The following NDST3 variants were observed in gnomAD, a reference collection of about 807,000 sequenced individuals.
NDST3 encodes the protein N-deacetylase and N-sulfotransferase 3.
A neutral mutation model predicts 96.1 loss-of-function variants in NDST3; 58 were observed. The observed-to-expected ratio is 0.60, with a 90% CI of 0.49 to 0.75. NDST3 has a LOEUF of 0.75. Among genes scored for constraint, NDST3 ranks in the 30% least tolerant of loss-of-function variants. The pLI is 0.00. For synonymous variants in NDST3, 333 were observed against 359.7 expected (o/e 0.93, Z 0.84); for missense variants, 788 against 1,034.2 (o/e 0.76, Z 3.27).
intron 6 of NDST3, among the ~76,000 whole-genome samples, chr4:118,169,637 T>C (rs1193221238): frequency 6.6e-6 from 1 of 151,862 alleles, no homozygotes; most frequent in Non-Finnish European, 1.5e-5. Context: ...TTACTAAAAA[T>C]AAAAGAATTA....
At chr4:118,225,569 G>A (rs553491147) in intron 7 of NDST3, among the ~76,000 whole-genome samples, 1 of 152,140 alleles carries the variant, frequency 6.6e-6, no homozygotes, top group Non-Finnish European at 1.5e-5. Flanking sequence ...AGGCCATCTG[G>A]TTCCAAAAGC....
intron 6 of NDST3, among the ~76,000 whole-genome samples, chr4:118,162,819 C>A (rs531525755): frequency 3.9e-4 from 58 of 149,238 alleles, no homozygotes; most frequent in Middle Eastern, 3.6e-3. Flanking sequence ...AGGCAACCTA[C>A]AAAATGGGAG....
intron 2 of NDST3, among the ~76,000 whole-genome samples, chr4:118,098,795 A>T (rs1729547625): frequency 6.6e-6 from 1 of 152,084 alleles, no homozygotes; most frequent in South Asian, 2.1e-4. Flanking sequence ...TATATGAAGG[A>T]TATAAAGCCC....
intron 6 of NDST3, among the ~76,000 whole-genome samples, chr4:118,187,324 C>A (rs1474089108): frequency 6.6e-6 from 1 of 152,168 alleles, no homozygotes; most frequent in Non-Finnish European, 1.5e-5. Flanking sequence ...TGCTACAGAG[C>A]CTATCATGAG....
intron 6 of NDST3, among the ~76,000 whole-genome samples, chr4:118,152,752 T>C (rs185911941): frequency 9.2e-4 from 140 of 152,356 alleles, no homozygotes; most frequent in Admixed American, 2.2e-3. Flanking sequence ...AAGTGCTGCT[T>C]GTTTACGGTT....
rs1457823064 is a variant in NDST3 at position 118,249,327 on chromosome 4, T to C, written c.2400-4172T>C. ...ACTTAAAATGAGTCAGAATTCAATTTTGGAAAATTGCTGATAGCAAAATGT... is the reference window on the plus strand; with the variant it reads ...ACTTAAAATGAGTCAGAATTCAATTCTGGAAAATTGCTGATAGCAAAATGT... On this transcript the variant is annotated intron_variant, in intron 12 of 13. Coordinates refer to ENST00000296499, the MANE Select transcript of NDST3 (RefSeq NM_004784.3). Among the ~76,000 whole-genome samples the C allele has an allele frequency of 2.0e-5, 3 of 152,190 alleles. No homozygotes were observed. In the East Asian group the frequency reaches 5.8e-4, roughly 29 times the overall value.
chr4:118,217,637 G>C (rs1026299513), intron 6 of NDST3, among the ~76,000 whole-genome samples: 1 of 151,952 alleles, frequency 6.6e-6, no homozygotes, highest in Admixed American at 6.6e-5. Context: ...GGGGATCTAA[G>C]TCAAGGAGAA....
intron 8 of NDST3, 105 bp from the exon 9 acceptor site, chr4:118,232,907 A>G: frequency 8.8e-7 from 1 of 1,133,928 alleles, no homozygotes; most frequent in Non-Finnish European, 1.2e-6. Context: ...TAGTTGTAAT[A>G]AATCTGTTTG....
intron 6 of NDST3, among the ~76,000 whole-genome samples, chr4:118,164,734 A>C (rs141906760): frequency 1.0e-3 from 156 of 152,292 alleles, no homozygotes; most frequent in African/African-American, 3.7e-3. Flanking sequence ...TCTGATACTC[A>C]AGTTAAAAGG....
At position 118,224,659 on chromosome 4, in the gene NDST3, G is replaced by C; in HGVS notation, c.1708G>C (p.Asp570His). 1 of 1,598,714 alleles carries C rather than the reference G, an allele frequency of 6.3e-7. No homozygotes were observed. Among genetic ancestry groups the C allele is most frequent in the South Asian group, 1.2e-5 (1 of 86,742 alleles). Residue 570 changes from aspartate to histidine, a missense_variant, in exon 7 of 14, where the codon GAC (aspartate) becomes CAC (histidine). Around this residue, in one of 3 missense-constraint regions of NDST3, gnomAD observed 490 missense variants for 708.8 expected, o/e 0.69. Transcript: ENST00000296499. ...TTTTGAGCTGTTTCCTGATCAGAAA[G>C]ACCCTCTCTGGCAGGTAAAATTAAT... is the stretch of plus-strand genomic sequence containing the variant. Reference protein sequence around the residue: ...KYFELFPDQKDPLWQNPCDDK... With the variant: ...KYFELFPDQKHPLWQNPCDDK...
chr4:118,175,564 A>G (rs1230638835), intron 6 of NDST3, among the ~76,000 whole-genome samples: 1 of 150,500 alleles, frequency 6.6e-6, no homozygotes, highest in Non-Finnish European at 1.5e-5. Flanking sequence ...ACCTTATCAC[A>G]AGAAGATTAA....
intron 1 of NDST3, among the ~76,000 whole-genome samples, chr4:118,040,653 G>T (rs1724391167): frequency 6.6e-6 from 1 of 151,466 alleles, no homozygotes; most frequent in East Asian, 1.9e-4. Context: ...TTTGTTCATT[G>T]TATGTGCCAA....
chr4:118,137,069 A>G (rs2125898070), intron 4 of NDST3, among the ~76,000 whole-genome samples: 1 of 152,300 alleles, frequency 6.6e-6, no homozygotes, highest in African/African-American at 2.4e-5. Flanking sequence ...CTTTTTCCAT[A>G]TCAGTTGGCT....
intron 6 of NDST3, among the ~76,000 whole-genome samples, chr4:118,158,163 T>A (rs1480991704): frequency 3.9e-5 from 6 of 152,180 alleles, no homozygotes; most frequent in Admixed American, 2.0e-4. Context: ...CCTACCTCTA[T>A]CTAGAATCAA....
At chr4:118,201,753 A>C (rs562572326) in intron 6 of NDST3, among the ~76,000 whole-genome samples, 1 of 151,972 alleles carries the variant, frequency 6.6e-6, no homozygotes, top group African/African-American at 2.4e-5. Context: ...TGCTTTGTTC[A>C]TAGTTTCTTT....
chr4:118,229,615 T>C (rs1023519263), intron 8 of NDST3, among the ~76,000 whole-genome samples: 2 of 152,204 alleles, frequency 1.3e-5, no homozygotes, highest in African/African-American at 4.8e-5. Context: ...ATTTTTTCTG[T>C]TTGTCTAATG....
At chr4:118,181,078 G>A (rs757372285) in intron 6 of NDST3, among the ~76,000 whole-genome samples, 1 of 152,136 alleles carries the variant, frequency 6.6e-6, no homozygotes, top group Non-Finnish European at 1.5e-5. Context: ...TCAGACTTGA[G>A]GGGAACCTAC....
At chr4:118,192,915 C>T (rs921501698) in intron 6 of NDST3, among the ~76,000 whole-genome samples, 1 of 152,030 alleles carries the variant, frequency 6.6e-6, no homozygotes, top group Non-Finnish European at 1.5e-5. Context: ...ATCAGCCATG[C>T]CATCTGGGGT....
intron 6 of NDST3, among the ~76,000 whole-genome samples, chr4:118,156,327 G>T (rs887032474): frequency 2.0e-5 from 3 of 151,880 alleles, no homozygotes; most frequent in Non-Finnish European, 4.4e-5. Flanking sequence ...GATTTCTAAG[G>T]TTTCTCCTCT....
Sources: allele counts gnomAD v4.1 joint callset (sites outside exome capture counted in the v4.1 genomes callset), GRCh38; gene constraint gnomAD v4.1.1; regional missense constraint gnomAD v4.1.1; transcripts MANE v1.5; gene names NCBI Gene and HGNC (gene_info 2026-07-23, HGNC 2026-07-21).